MTHFD1L: variants seen among roughly 807,000 people sequenced by gnomAD.
MTHFD1L encodes methylenetetrahydrofolate dehydrogenase (NADP+ dependent) 1 like.
Under a neutral mutation model 119.5 loss-of-function variants are expected in MTHFD1L, and 81 were observed. The ratio of observed to expected loss-of-function variants is 0.68; its 90% CI spans 0.57 to 0.82. The LOEUF is 0.82. Among genes scored for constraint, MTHFD1L ranks in the 40% least tolerant of loss-of-function variants. The pLI is 0.00. For missense variants in MTHFD1L, 1,125 were observed against 1,253.4 expected, an observed-to-expected ratio of 0.90 and a Z score of 1.55; for synonymous variants, 430 against 475.2, an observed-to-expected ratio of 0.90 and a Z score of 1.24.
intron 8 of MTHFD1L, among the ~76,000 whole-genome samples, chr6:150,914,215 T>A (rs1038519982): frequency 6.6e-6 from 1 of 152,178 alleles, no homozygotes; most frequent in Non-Finnish European, 1.5e-5. Context: ...GAAGATGGCT[T>A]GAGCCTGGGA....
At chr6:150,949,472 C>T (rs898711707) in intron 16 of MTHFD1L, among the ~76,000 whole-genome samples, 3 of 152,016 alleles carry the variant, frequency 2.0e-5, no homozygotes, top group South Asian at 2.1e-4. Context: ...TTAAAGACCA[C>T]GCCTCCCTGG....
intron 17 of MTHFD1L, 39 bp from the exon 18 acceptor site, chr6:150,960,236 C>A: frequency 1.3e-6 from 2 of 1,574,492 alleles, no homozygotes; most frequent in South Asian, 1.2e-5. Flanking sequence ...ATCCCACTGG[C>A]ACTGTCGCTG....
intron 26 of MTHFD1L, among the ~76,000 whole-genome samples, chr6:151,058,568 G>A (rs1024917428): frequency 6.6e-6 from 1 of 152,224 alleles, no homozygotes; most frequent in Admixed American, 6.5e-5. Context: ...AGGTGGAGCT[G>A]TATGGTGAAG....
At chr6:151,037,159 T>C in intron 26 of MTHFD1L, 42 bp downstream of exon 26, 2 of 1,605,706 alleles carry the variant, frequency 1.2e-6, no homozygotes, top group Non-Finnish European at 1.7e-6. Flanking sequence ...CCATTCTGCA[T>C]TGCTGTGGTG....
At chr6:150,959,235 T>A (rs1315258477) in intron 17 of MTHFD1L, 1 of 977,178 alleles carries the variant, frequency 1.0e-6, no homozygotes, top group Non-Finnish European at 1.2e-6. Context: ...TTCCTTCCTT[T>A]CCTTACTTGT....
chr6:151,035,344 A>G (rs1786008489), intron 25 of MTHFD1L, among the ~76,000 whole-genome samples: 1 of 152,192 alleles, frequency 6.6e-6, no homozygotes, highest in Admixed American at 6.5e-5. Context: ...ACACTTTAAG[A>G]GCCTGCTGGC....
intron 8 of MTHFD1L, among the ~76,000 whole-genome samples, chr6:150,917,041 G>A (rs1317847920): frequency 5.3e-5 from 8 of 151,534 alleles, no homozygotes; most frequent in Non-Finnish European, 1.0e-4. Context: ...GATTACAGGC[G>A]TGAGCCACCA....
intron 24 of MTHFD1L, among the ~76,000 whole-genome samples, chr6:151,018,849 A>C (rs1451220093): frequency 6.6e-6 from 1 of 152,250 alleles, no homozygotes; most frequent in Non-Finnish European, 1.5e-5. Flanking sequence ...AGGCTAGCTC[A>C]TAAAAGGTTT....
chr6:150,960,470 A>G (rs1796276312), intron 18 of MTHFD1L, 55 bp downstream of exon 18: 3 of 1,534,426 alleles, frequency 2.0e-6, no homozygotes, highest in Non-Finnish European at 2.6e-6. Flanking sequence ...GTTCTTCGTT[A>G]CCAGAAAAAG....
chr6:150,868,053 G>A (rs1034605242), intron 1 of MTHFD1L, among the ~76,000 whole-genome samples: 3 of 152,136 alleles, frequency 2.0e-5, no homozygotes, highest in African/African-American at 7.2e-5. Context: ...GACTGCCTTG[G>A]CCTCCCAAAG....
chr6:150,879,174 C>T (rs1025638948), intron 4 of MTHFD1L, among the ~76,000 whole-genome samples: 3 of 152,142 alleles, frequency 2.0e-5, no homozygotes, highest in Admixed American at 2.0e-4. Context: ...GCCATTGTAG[C>T]GTGGTACAAA....
At chr6:150,939,087 A>C in intron 13 of MTHFD1L, 1 of 247,734 alleles carries the variant, frequency 4.0e-6, no homozygotes, top group Non-Finnish European at 8.0e-6. Flanking sequence ...AAACTTCAAA[A>C]AATTCAGAAT....
rs773149268 is a variant in MTHFD1L, at chr6:150,882,813, G to A, written c.469G>A (p.Ala157Thr). ...INEDTRVHGLALQISENLFSN... is the reference protein window; with the variant it reads ...INEDTRVHGLTLQISENLFSN... ...TGAAGATACCAGAGTACATGGCCTT[G>A]CCCTTCAGATCTCTGAGAACTTGTT... The change falls in exon 5 of 28, where the codon GCC becomes ACC. Residue 157 changes from alanine (A) to threonine (T), a missense_variant. This residue lies in a region of MTHFD1L where 1,058 missense variants were observed against 1,151.2 expected (regional missense o/e 0.92). Transcript: ENST00000367321. 5.1e-6 allele frequency: 8 copies of A among 1,576,714 alleles called. No individual in the cohort carries two copies. In the South Asian group the frequency reaches 9.7e-5, roughly 19 times the overall value.
At chr6:150,948,977 C>A in intron 15 of MTHFD1L, 54 bp from the exon 16 acceptor site, 1 of 1,453,730 alleles carries the variant, frequency 6.9e-7, no homozygotes, top group Non-Finnish European at 9.6e-7. Flanking sequence ...TTTGGTGACC[C>A]TTTGCTTTCT....
chr6:151,099,750 G>A (rs1584472634), intron 27 of MTHFD1L: 2 of 1,609,752 alleles, frequency 1.2e-6, no homozygotes, highest in East Asian at 2.2e-5. Flanking sequence ...GTGGCTTCCG[G>A]AAGTTCCTGG....
intron 26 of MTHFD1L, among the ~76,000 whole-genome samples, chr6:151,070,549 C>T (rs930887868): frequency 6.6e-5 from 10 of 152,198 alleles, no homozygotes; most frequent in African/African-American, 2.2e-4. Context: ...CAGAGGTCAA[C>T]AAACATTTCC....
rs190761783 is a variant in MTHFD1L, at chr6:150,973,972, G to A, written c.2125+1914G>A. Among the ~76,000 whole-genome samples, 417 of 152,322 alleles carry A rather than the reference G, an allele frequency of 2.7e-3. 5 individuals carry two copies. The highest frequency in any genetic ancestry group is 9.0e-4 in the Non-Finnish European group (61 of 68,038). ...AGTGAGAAACTGCTTTGTAAAATAT[G>A]AACTATGTTCAGGTCAGCAATTATA... is the stretch of plus-strand genomic sequence containing the variant. On this transcript the variant is annotated intron_variant, in intron 20 of 27. Coordinates refer to ENST00000367321, the MANE Select transcript of MTHFD1L (RefSeq NM_015440.5).
chr6:150,916,282 A>G (rs1787843673), intron 8 of MTHFD1L, among the ~76,000 whole-genome samples: 1 of 145,114 alleles, frequency 6.9e-6, no homozygotes, highest in Non-Finnish European at 1.5e-5. Flanking sequence ...TGAAGGAAGG[A>G]AGGTAGAATC....
At chr6:150,999,005 C>CAT (rs1002752427) in intron 20 of MTHFD1L, among the ~76,000 whole-genome samples, 15 of 140,598 alleles carry the variant, frequency 1.1e-4, no homozygotes, top group East Asian at 2.0e-4. Flanking sequence ...AATATATATA[C>CAT]ATATATATAT....
Sources: allele counts gnomAD v4.1 joint callset (sites outside exome capture counted in the v4.1 genomes callset), GRCh38; gene constraint gnomAD v4.1.1; regional missense constraint gnomAD v4.1.1; transcripts MANE v1.5; gene names NCBI Gene and HGNC (gene_info 2026-07-23, HGNC 2026-07-21).